TTC27: variants seen among roughly 807,000 people sequenced by gnomAD.
TTC27 encodes the protein tetratricopeptide repeat domain 27.
TTC27 carries 79 observed loss-of-function variants against 115.9 expected under a neutral mutation model. The observed-to-expected ratio is 0.68, with a 90% CI of 0.57 to 0.82. TTC27 has a LOEUF of 0.82. Ranked by LOEUF, TTC27 falls within the 40% of genes least tolerant of loss-of-function variation. TTC27 has a pLI of 0.00. For synonymous variants in TTC27, 401 were observed against 356.0 expected (o/e 1.13, Z -1.42); for missense variants, 1,054 against 993.1 (o/e 1.06, Z -0.82).
chr2:32,778,336 T>C (rs1558339227), intron 14 of TTC27, among the ~76,000 whole-genome samples: 1 of 152,294 alleles, frequency 6.6e-6, no homozygotes, highest in East Asian at 1.9e-4. Context: ...TTTTATGAGA[T>C]AATAATTCAC....
chr2:32,743,274 C>G (rs1668706198), intron 12 of TTC27, among the ~76,000 whole-genome samples: 1 of 152,042 alleles, frequency 6.6e-6, no homozygotes, highest in African/African-American at 2.4e-5. Context: ...AGGCACAGAT[C>G]ACAGCCAAAA....
At chr2:32,719,403 ACTATATGGGAAACTTATATTAGCT>A (rs1391362005) in intron 10 of TTC27, among the ~76,000 whole-genome samples, 1 of 152,220 alleles carries the variant, frequency 6.6e-6, no homozygotes, top group Non-Finnish European at 1.5e-5. Flanking sequence ...ATTGAGGTTG[ACTATATGGGAAACTTATATTAGCT>A]CTGCATCAAA....
intron 5 of TTC27, among the ~76,000 whole-genome samples, chr2:32,652,930 C>G (rs894134140): frequency 1.8e-4 from 27 of 151,954 alleles, no homozygotes; most frequent in African/African-American, 6.0e-4. Flanking sequence ...GCGTGTTACA[C>G]CAGTATAATA....
At chr2:32,744,009 C>A (rs1055942270) in intron 12 of TTC27, among the ~76,000 whole-genome samples, 1 of 152,200 alleles carries the variant, frequency 6.6e-6, no homozygotes, top group Non-Finnish European at 1.5e-5. Context: ...TTATAGACTA[C>A]CTACTGTTTG....
intron 14 of TTC27, chr2:32,780,163 G>T: frequency 4.6e-6 from 2 of 434,090 alleles, no homozygotes; most frequent in Non-Finnish European, 4.9e-6. Flanking sequence ...TGGCTATTCA[G>T]CATTCCTTGA....
intron 5 of TTC27, among the ~76,000 whole-genome samples, chr2:32,657,920 T>C (rs1665389112): frequency 6.6e-6 from 1 of 151,876 alleles, no homozygotes; most frequent in Non-Finnish European, 1.5e-5. Flanking sequence ...GCCTCCACCT[T>C]CGGGGTTCAA....
At chr2:32,645,924 T>G (rs1292770753) in intron 4 of TTC27, among the ~76,000 whole-genome samples, 1 of 152,006 alleles carries the variant, frequency 6.6e-6, no homozygotes. Context: ...TTCACCATGT[T>G]GGTCAGGCTG....
chr2:32,801,669 G>A (rs1558351399), intron 16 of TTC27, among the ~76,000 whole-genome samples: 2 of 152,166 alleles, frequency 1.3e-5, no homozygotes, highest in Admixed American at 6.5e-5. Flanking sequence ...TGAGAACAGC[G>A]GTGTTCATGA....
chr2:32,634,410 C>T (rs1266862009), intron 3 of TTC27, among the ~76,000 whole-genome samples: 7 of 151,570 alleles, frequency 4.6e-5, no homozygotes, highest in Non-Finnish European at 8.8e-5. Flanking sequence ...ATCTTCCCAC[C>T]TCAGCCTCCC....
chr2:32,815,389 C>T (rs999729447), intron 18 of TTC27, among the ~76,000 whole-genome samples: 7 of 151,718 alleles, frequency 4.6e-5, no homozygotes, highest in African/African-American at 7.3e-5. Flanking sequence ...AGGCGCCCAC[C>T]ACCACGCCCG....
rs796457574 is a variant in TTC27, at chr2:32,781,984, CAT to C, written c.1780-639_1780-638del. On this transcript the variant is annotated intron_variant, in intron 14 of 19. Transcript: ENST00000317907. ...GTCCACTGCCACTTAATTTTTGAGT[CAT>C]ATGTGTGGGACTTGAGAATGATATA... 1.4e-4 allele frequency among the ~76,000 whole-genome samples: 21 copies of C among 152,172 alleles called. 1 individual carries two copies. The highest frequency in any genetic ancestry group is 4.8e-4 in the African/African-American group (20 of 41,526).
Position 32,807,906 on chromosome 2 carries a change from G to C in TTC27, c.1999-3118G>C, listed in dbSNP as rs557203767. Among the ~76,000 whole-genome samples the C allele has an allele frequency of 1.8e-4, 27 of 148,968 alleles. No homozygotes were observed. The South Asian group carries it at 4.3e-3, about 24-fold the overall frequency. ...TCTGGCCACTCCTTTTCAGTTCGATGAGTGAGTTCTCTACTTGCCCTCTTT... is the reference window on the plus strand; with the variant it reads ...TCTGGCCACTCCTTTTCAGTTCGATCAGTGAGTTCTCTACTTGCCCTCTTT... On this transcript the variant is annotated intron_variant, in intron 16 of 19. Coordinates refer to ENST00000317907, the MANE Select transcript of TTC27 (RefSeq NM_017735.5).
rs188043684 is a variant in TTC27 at position 32,650,215 on chromosome 2, G to A, written c.622G>A (p.Glu208Lys). The change falls in exon 5 of 20, where the codon GAA becomes AAA. Residue 208 changes from glutamate to lysine, a missense_variant. By Grantham distance (56) the Glu-to-Lys change is moderately conservative. Coordinates refer to ENST00000317907, the MANE Select transcript of TTC27 (RefSeq NM_017735.5). ...ERSPLLFTLA[E>K]NCIDQVMKLQ... ...CTCACCTCTGCTTTTTACTCTTGCC[G>A]AAAACTGTATTGATCAAGGTATGTA... 9.3e-6 allele frequency: 15 copies of A among 1,613,630 alleles called. No individual in the cohort carries two copies. The highest frequency in any genetic ancestry group is 6.6e-5 in the South Asian group (6 of 91,048).
intron 16 of TTC27, among the ~76,000 whole-genome samples, chr2:32,803,307 C>A (rs1671020547): frequency 6.6e-6 from 1 of 152,226 alleles, no homozygotes; most frequent in Admixed American, 6.5e-5. Flanking sequence ...TGCTCTCCAC[C>A]CTAGCCTGGT....
At chr2:32,792,717 C>T (rs1477421235) in intron 16 of TTC27, among the ~76,000 whole-genome samples, 1 of 152,164 alleles carries the variant, frequency 6.6e-6, no homozygotes, top group South Asian at 2.1e-4. Flanking sequence ...TGGGTTAAGG[C>T]AGTCCTATTC....
chr2:32,679,984 A>T (rs1666362083), intron 9 of TTC27, among the ~76,000 whole-genome samples: 1 of 152,216 alleles, frequency 6.6e-6, no homozygotes, highest in Non-Finnish European at 1.5e-5. Context: ...ACTCCGCCTC[A>T]AACACAAAAC....
chr2:32,806,216 A>G (rs964136740), intron 16 of TTC27, among the ~76,000 whole-genome samples: 3 of 152,192 alleles, frequency 2.0e-5, no homozygotes, highest in Non-Finnish European at 2.9e-5. Flanking sequence ...GGGTAAAAAC[A>G]TTCACCTATT....
chr2:32,664,294 G>T lies in TTC27; in HGVS notation c.641-9G>T. 1.9e-6 allele frequency: 3 copies of T among 1,584,156 alleles called. No individual in the cohort carries two copies. The highest frequency in any genetic ancestry group is 1.7e-6 in the Non-Finnish European group (2 of 1,166,764). On this transcript the variant is annotated splice_polypyrimidine_tract_variant and intron_variant, in intron 5 of 19. Transcript: ENST00000317907. ...CATAACTTTTAATGTTTTATCTTTT[G>T]TCTTGCAGTGATGAAACTACAGAAT... is the stretch of plus-strand genomic sequence containing the variant.
Position 32,733,866 on chromosome 2 carries a change from A to G in TTC27, c.1272A>G (p.Val424=). ...AATTTGAAGATAAAACTACATCTGT[A>G]TTGGAACGCCTGAAGATTTTCTATT... ...ADQFEDKTTS[V]LERLKIFYCC... Residue 424 remains valine (V), a synonymous_variant, in exon 11 of 20, where the codon GTA becomes GTG. Transcript: ENST00000317907. 1 of 1,612,458 alleles carries G rather than the reference A, an allele frequency of 6.2e-7. No individual in the cohort carries two copies. The highest frequency in any genetic ancestry group is 8.5e-7 in the Non-Finnish European group (1 of 1,179,176).
Sources: gnomAD v4.1 joint callset for allele counts (sites outside exome capture counted in the v4.1 genomes callset) on GRCh38, gnomAD v4.1.1 for gene constraint, MANE v1.5 for transcripts, NCBI Gene and HGNC (gene_info 2026-07-23, HGNC 2026-07-21) for gene names.